EBF1: variants seen among roughly 807,000 people sequenced by gnomAD.
The protein encoded by EBF1 is transcription factor COE1.
EBF1 carries 10 observed loss-of-function variants against 68.4 expected under a neutral mutation model. The ratio of observed to expected loss-of-function variants is 0.15; its 90% CI spans 0.09 to 0.25. The LOEUF (loss-of-function observed/expected upper bound fraction) is 0.25. Among genes scored for constraint, EBF1 ranks in the 10% least tolerant of loss-of-function variants. The pLI is 1.00. For missense variants in EBF1, 509 were observed against 794.4 expected (o/e 0.64, Z 4.32); for synonymous variants, 298 against 299.8 (o/e 0.99, Z 0.06).
At chr5:158,893,121 A>G (rs1801506952) in intron 6 of EBF1, among the ~76,000 whole-genome samples, 1 of 152,228 alleles carries the variant, frequency 6.6e-6, no homozygotes. Flanking sequence ...CTTCTTTGAA[A>G]ATCCACATGT....
intron 6 of EBF1, among the ~76,000 whole-genome samples, chr5:159,062,231 C>A (rs1358352440): frequency 2.6e-5 from 4 of 152,192 alleles, no homozygotes; most frequent in Admixed American, 2.0e-4. Flanking sequence ...CCCCCTAAAG[C>A]CACAAAGATG....
chr5:158,848,941 G>T (rs914531284), intron 6 of EBF1, among the ~76,000 whole-genome samples: 2 of 152,146 alleles, frequency 1.3e-5, no homozygotes, highest in African/African-American at 4.8e-5. Context: ...ACTTCAAAAA[G>T]TACAAATGTT....
chr5:158,920,141 C>T (rs77860516), intron 6 of EBF1, among the ~76,000 whole-genome samples: 9,293 of 152,080 alleles, frequency 0.061, 321 homozygotes, highest in Non-Finnish European at 0.071. Flanking sequence ...AAAAGGTGCT[C>T]ATTATATACA....
chr5:159,066,555 G>GCCCC (rs1401265324), intron 6 of EBF1, among the ~76,000 whole-genome samples: 1 of 151,166 alleles, frequency 6.6e-6, no homozygotes, highest in Non-Finnish European at 1.5e-5. Context: ...GACACCCCCT[G>GCCCC]CCCCACCCAT....
intron 6 of EBF1, among the ~76,000 whole-genome samples, chr5:158,891,685 C>A (rs567546625): frequency 2.0e-5 from 3 of 152,024 alleles, no homozygotes; most frequent in Non-Finnish European, 4.4e-5. Flanking sequence ...GGTATGTTTA[C>A]GCATACGTAT....
chr5:158,879,770 C>T (rs1300288351), intron 6 of EBF1, among the ~76,000 whole-genome samples: 2 of 152,198 alleles, frequency 1.3e-5, no homozygotes, highest in African/African-American at 2.4e-5. Context: ...AGAAAAGAAA[C>T]GGACAGGAGG....
chr5:158,834,407 C>T (rs1788273731), intron 7 of EBF1, among the ~76,000 whole-genome samples: 1 of 152,052 alleles, frequency 6.6e-6, no homozygotes, highest in Non-Finnish European at 1.5e-5. Context: ...TCCTCATACC[C>T]ACCAGTCCTT....
At chr5:158,753,185 C>T (rs111890957) in intron 10 of EBF1, among the ~76,000 whole-genome samples, 41 of 152,026 alleles carry the variant, frequency 2.7e-4, no homozygotes, top group Non-Finnish European at 5.4e-4. Context: ...AGTCTTTCTC[C>T]CTCTGGTGAA....
At chr5:158,782,161 G>A (rs896833532) in intron 9 of EBF1, among the ~76,000 whole-genome samples, 7 of 152,092 alleles carry the variant, frequency 4.6e-5, no homozygotes, top group Non-Finnish European at 7.4e-5. Context: ...CCAATCATAC[G>A]TTCCCTCTTC....
intron 10 of EBF1, among the ~76,000 whole-genome samples, chr5:158,735,322 T>C (rs1406414134): frequency 6.6e-6 from 1 of 152,142 alleles, no homozygotes; most frequent in Non-Finnish European, 1.5e-5. Flanking sequence ...TGGGGATACA[T>C]TAATTTAAAG....
intron 6 of EBF1, among the ~76,000 whole-genome samples, chr5:159,040,787 C>T (rs1479785471): frequency 2.0e-5 from 3 of 152,200 alleles, no homozygotes; most frequent in African/African-American, 7.2e-5. Flanking sequence ...AAAAGCAACA[C>T]AGACTATAAA....
chr5:159,057,043 G>C (rs1365873986), intron 6 of EBF1, among the ~76,000 whole-genome samples: 1 of 151,644 alleles, frequency 6.6e-6, no homozygotes, highest in African/African-American at 2.4e-5. Flanking sequence ...TTTTATGATG[G>C]GATATTCTGT....
intron 6 of EBF1, among the ~76,000 whole-genome samples, chr5:159,061,273 G>A (rs1775758368): frequency 6.6e-6 from 1 of 152,074 alleles, no homozygotes; most frequent in Non-Finnish European, 1.5e-5. Context: ...TTAAATAAGG[G>A]CTCTGTGGAA....
At chr5:158,714,087 C>T (rs1470243020) in intron 12 of EBF1, 30 bp downstream of exon 12, 2 of 1,612,394 alleles carry the variant, frequency 1.2e-6, no homozygotes, top group South Asian at 1.1e-5. Context: ...ATGTGGCAGT[C>T]CACACAGGCT....
chr5:158,942,698 C>T (rs1331980638), intron 6 of EBF1, among the ~76,000 whole-genome samples: 2 of 151,802 alleles, frequency 1.3e-5, no homozygotes, highest in Non-Finnish European at 2.9e-5. Context: ...AGTTCCAGCC[C>T]GTGGGGTTTA....
intron 6 of EBF1, among the ~76,000 whole-genome samples, chr5:158,848,676 T>G (rs1002128908): frequency 1.1e-4 from 16 of 152,242 alleles, no homozygotes; most frequent in Non-Finnish European, 1.9e-4. Context: ...GTGTGTTTCA[T>G]GCAGACAGAA....
At chr5:158,939,239 A>G (rs573187212) in intron 6 of EBF1, among the ~76,000 whole-genome samples, 11 of 152,272 alleles carry the variant, frequency 7.2e-5, no homozygotes, top group Non-Finnish European at 1.3e-4. Context: ...CTAGAAACTA[A>G]CCCTCAAGGA....
chr5:158,978,316 G>GGA (rs1757189655), intron 6 of EBF1, among the ~76,000 whole-genome samples: 1 of 152,242 alleles, frequency 6.6e-6, no homozygotes, highest in Non-Finnish European at 1.5e-5. Flanking sequence ...GGGGCCAGGC[G>GGA]GATGTCTTTT....
intron 6 of EBF1, among the ~76,000 whole-genome samples, chr5:159,016,570 G>A (rs1471370581): frequency 5.3e-5 from 8 of 152,082 alleles, no homozygotes; most frequent in African/African-American, 1.2e-4. Context: ...GCAAAATGAC[G>A]GCAAACAAAA....
Sources: allele counts gnomAD v4.1 joint callset (sites outside exome capture counted in the v4.1 genomes callset), GRCh38; gene constraint gnomAD v4.1.1; transcripts MANE v1.5; gene names NCBI Gene and HGNC (gene_info 2026-07-23, HGNC 2026-07-21).